Variants in WDR27 observed in about 807,000 individuals in gnomAD.
WDR27 encodes WD repeat domain 27, also known as WD repeat-containing protein 27.
WDR27 carries 100 observed loss-of-function variants against 114.4 expected under a neutral mutation model. The observed-to-expected ratio is 0.87, with a 90% confidence interval of 0.74 to 1.03. The LOEUF is 1.03. Ranked by LOEUF, WDR27 falls within the 50% of genes least tolerant of loss-of-function variation. The pLI, the probability that WDR27 is intolerant of heterozygous loss-of-function variation, is 0.00. For missense variants in WDR27, 1,129 were observed against 1,092.9 expected, an observed-to-expected ratio of 1.03 and a Z score of -0.47; for synonymous variants, 449 against 423.1, an observed-to-expected ratio of 1.06 and a Z score of -0.75.
rs1825502056 is a variant in WDR27, at chr6:169,659,791, C to G, written c.1130-273G>C. Among the ~76,000 whole-genome samples the G allele has an allele frequency of 6.6e-6, 1 of 152,134 alleles. No homozygotes were observed. On this transcript the variant is annotated intron_variant, in intron 10 of 25. Coordinates refer to ENST00000448612, the MANE Select transcript of WDR27 (RefSeq NM_182552.5). This position sits in a 1 kb window ranked among gnomAD's most constrained non-coding sequence, Gnocchi z 4.3. ...GCTGGGATGTGACTCGGACTGAGACCTGCAGCTCAGCCTCCTGGAGAAGCC... is the reference window on the plus strand; with the variant it reads ...GCTGGGATGTGACTCGGACTGAGACGTGCAGCTCAGCCTCCTGGAGAAGCC...
intron 22 of WDR27, among the ~76,000 whole-genome samples, chr6:169,603,287 G>A (rs1308093578): frequency 2.0e-5 from 3 of 151,650 alleles, no homozygotes; most frequent in African/African-American, 7.3e-5. Flanking sequence ...CTGAACTGTA[G>A]TGTACTACTG....
At position 169,547,232 on chromosome 6, in the gene WDR27, A is replaced by G. The variant is rs569292459; in HGVS notation, c.2645+25187T>C. ...CCAGATGGGTTCACTGGTGAATTAT[A>G]CCAGATATTTAAATAAGAAATGAAT... On this transcript the variant is annotated intron_variant, in intron 25 of 25. Coordinates refer to ENST00000448612, the MANE Select transcript of WDR27 (RefSeq NM_182552.5). Among the ~76,000 whole-genome samples the G allele has an allele frequency of 3.3e-5, 5 of 152,300 alleles. No homozygotes were observed. In the South Asian group the frequency reaches 1.0e-3, roughly 32 times the overall value.
intron 17 of WDR27, among the ~76,000 whole-genome samples, chr6:169,640,872 G>C (rs1179107009): frequency 6.6e-6 from 1 of 152,250 alleles, no homozygotes; most frequent in Non-Finnish European, 1.5e-5. Context: ...TGAAGTCACT[G>C]CTACCCATGC....
At chr6:169,520,285 T>C (rs1252660636) in intron 25 of WDR27, among the ~76,000 whole-genome samples, 1 of 152,204 alleles carries the variant, frequency 6.6e-6, no homozygotes, top group Non-Finnish European at 1.5e-5. Flanking sequence ...GGTACTCTGA[T>C]TATTTACTAG....
chr6:169,572,902 C>T, intron 24 of WDR27, among the ~76,000 whole-genome samples: 1 of 152,078 alleles, frequency 6.6e-6, no homozygotes, highest in Admixed American at 6.6e-5. Flanking sequence ...ATATTGAAAA[C>T]CATGTCAATG....
In WDR27 at chr6:169,634,529, G is replaced by C; in HGVS notation, c.2004-4C>G. 1.2e-6 allele frequency: 2 copies of C among 1,601,820 alleles called. No homozygotes were observed. The highest frequency in any genetic ancestry group is 8.5e-7 in the Non-Finnish European group (1 of 1,173,034). On this transcript the variant is annotated splice_region_variant and splice_polypyrimidine_tract_variant and intron_variant, in intron 19 of 25. Transcript: ENST00000448612. ...GGACTTGCTCTTCTGTTTATATCTGGAAGAGAAAATCAAGATGATCAATAT... is the reference window on the plus strand; with the variant it reads ...GGACTTGCTCTTCTGTTTATATCTGCAAGAGAAAATCAAGATGATCAATAT...
At chr6:169,497,619 G>C (rs902377329) in intron 25 of WDR27, among the ~76,000 whole-genome samples, 1 of 150,768 alleles carries the variant, frequency 6.6e-6, no homozygotes, top group African/African-American at 2.4e-5. Flanking sequence ...CTCCAAAGAA[G>C]ATACACAAAT....
At chr6:169,676,456 T>C (rs1780085027) in intron 2 of WDR27, among the ~76,000 whole-genome samples, 1 of 152,236 alleles carries the variant, frequency 6.6e-6, no homozygotes, top group Non-Finnish European at 1.5e-5. Flanking sequence ...TTACCATATC[T>C]TGACATAGGC....
the WDR27 span, among the ~76,000 whole-genome samples, chr6:169,443,933 G>A: frequency 6.6e-6 from 1 of 152,132 alleles, no homozygotes; most frequent in Non-Finnish European, 1.5e-5. Context: ...TAGGGATGTC[G>A]ATTTCATTAT....
At chr6:169,428,940 C>G in the WDR27 span, among the ~76,000 whole-genome samples, 1 of 152,126 alleles carries the variant, frequency 6.6e-6, no homozygotes, top group Non-Finnish European at 1.5e-5. Flanking sequence ...CCACGGTTGT[C>G]CTCACTGGAA....
At chr6:169,696,390 G>A (rs890134227) in intron 1 of WDR27, among the ~76,000 whole-genome samples, 2 of 152,160 alleles carry the variant, frequency 1.3e-5, no homozygotes, top group Non-Finnish European at 2.9e-5. Flanking sequence ...ACACATGCAT[G>A]CACACACACA....
At chr6:169,512,032 A>G (rs971213394) in intron 25 of WDR27, among the ~76,000 whole-genome samples, 1 of 152,170 alleles carries the variant, frequency 6.6e-6, no homozygotes, top group African/African-American at 2.4e-5. Flanking sequence ...TTTTCAAACA[A>G]AGGATTTTAG....
chr6:169,665,464 C>T (rs769770692), intron 7 of WDR27, 22 bp downstream of exon 7: 16 of 1,608,166 alleles, frequency 9.9e-6, no homozygotes, highest in Non-Finnish European at 1.3e-5. Context: ...GGAACTGGAA[C>T]TTAACTCTGT....
intron 23 of WDR27, among the ~76,000 whole-genome samples, chr6:169,600,648 C>T (rs1032712334): frequency 2.0e-5 from 3 of 152,114 alleles, no homozygotes; most frequent in Admixed American, 1.3e-4. Flanking sequence ...AACCACGGCA[C>T]GAGAACTACG....
At chr6:169,586,847 C>CAAAAAAAAAAA (rs3029697) in intron 23 of WDR27, among the ~76,000 whole-genome samples, 3,181 of 32,042 alleles carry the variant, frequency 0.099, 1,233 homozygotes, top group Middle Eastern at 0.17. Context: ...GACTCTGTCT[C>CAAAAAAAAAAA]AAAAAAAAAA....
chr6:169,678,642 G>A (rs560739104), intron 2 of WDR27, among the ~76,000 whole-genome samples: 31 of 152,192 alleles, frequency 2.0e-4, no homozygotes, highest in African/African-American at 7.0e-4. Context: ...CTTTCTAAGG[G>A]GTCTGGGGAG....
At chr6:169,690,684 AT>A (rs1784260626) in intron 1 of WDR27, among the ~76,000 whole-genome samples, 2 of 152,194 alleles carry the variant, frequency 1.3e-5, no homozygotes, top group Non-Finnish European at 2.9e-5. Flanking sequence ...TCAGACAGGA[AT>A]TGCATAGAAA....
chr6:169,524,198 T>A (rs952617904), intron 25 of WDR27, among the ~76,000 whole-genome samples: 1 of 152,042 alleles, frequency 6.6e-6, no homozygotes, highest in African/African-American at 2.4e-5. Context: ...CTACAAAGAA[T>A]ATAAAATGCC....
chr6:169,601,058 C>CAG, intron 23 of WDR27, among the ~76,000 whole-genome samples: 1 of 152,190 alleles, frequency 6.6e-6, no homozygotes, highest in South Asian at 2.1e-4. Context: ...TAAGGGCAGC[C>CAG]AGAGAAAGGT....
Sources: gnomAD v4.1 joint callset for allele counts (sites outside exome capture counted in the v4.1 genomes callset) on GRCh38, gnomAD v4.1.1 for gene constraint, Gnocchi (gnomAD v3.1) non-coding constraint, MANE v1.5 for transcripts, NCBI Gene and HGNC (gene_info 2026-07-23, HGNC 2026-07-21) for gene names.